USH2A: variants seen among roughly 807,000 people sequenced by gnomAD.
USH2A encodes the protein usherin.
In USH2A, 443 loss-of-function variants were observed where a neutral mutation model predicts 538.9. The ratio of observed to expected loss-of-function variants is 0.82; its 90% confidence interval spans 0.76 to 0.89. The LOEUF (loss-of-function observed/expected upper bound fraction) is 0.89. USH2A is among the 40% of genes least tolerant of loss of function. The pLI is 0.00. For missense variants in USH2A, 6,633 were observed against 6,324.8 expected (o/e 1.05, Z -1.65); for synonymous variants, 2,413 against 2,273.5 (o/e 1.06, Z -1.75).
chr1:215,627,375 C>CCCTT (rs1365031977), intron 71 of USH2A, among the ~76,000 whole-genome samples: 1 of 131,062 alleles, frequency 7.6e-6, no homozygotes, highest in Non-Finnish European at 1.6e-5. Flanking sequence ...CTCCCTCCCT[C>CCCTT]CCTTCCTTCT....
chr1:216,366,276 A>C (rs2038594199), intron 3 of USH2A, among the ~76,000 whole-genome samples: 1 of 152,246 alleles, frequency 6.6e-6, no homozygotes, highest in African/African-American at 2.4e-5. Flanking sequence ...TGATAGCAAA[A>C]CATTCAACAT....
chr1:216,184,934 T>C (rs140804056), intron 20 of USH2A, among the ~76,000 whole-genome samples: 42 of 151,996 alleles, frequency 2.8e-4, no homozygotes, highest in African/African-American at 9.9e-4. Flanking sequence ...AGTATGGAGG[T>C]CAATTTATGA....
At chr1:216,388,682 A>G (rs1399321621) in intron 3 of USH2A, among the ~76,000 whole-genome samples, 1 of 152,230 alleles carries the variant, frequency 6.6e-6, no homozygotes, top group Non-Finnish European at 1.5e-5. Context: ...ATGCAGTGTT[A>G]ACAGAGAAAA....
At chr1:215,763,336 A>G (rs1661033707) in intron 56 of USH2A, among the ~76,000 whole-genome samples, 1 of 152,158 alleles carries the variant, frequency 6.6e-6, no homozygotes, top group African/African-American at 2.4e-5. Context: ...CCTGACACAG[A>G]CTGTGGGGAG....
intron 32 of USH2A, among the ~76,000 whole-genome samples, chr1:216,004,328 G>A (rs1571880931): frequency 6.6e-6 from 1 of 152,250 alleles, no homozygotes; most frequent in South Asian, 2.1e-4. Flanking sequence ...ACCAACATAT[G>A]AGGCCAATGA....
At chr1:215,962,363 AT>A (rs1273421483) in intron 37 of USH2A, among the ~76,000 whole-genome samples, 1 of 152,132 alleles carries the variant, frequency 6.6e-6, no homozygotes, top group Non-Finnish European at 1.5e-5. Flanking sequence ...ATGTTTATTC[AT>A]TGAGGCATTA....
At chr1:216,166,854 T>G (rs917414463) in intron 21 of USH2A, among the ~76,000 whole-genome samples, 6 of 152,074 alleles carry the variant, frequency 3.9e-5, no homozygotes, top group African/African-American at 1.4e-4. Context: ...CCCACACATT[T>G]CCCTTAAGTC....
chr1:215,999,187 C>A, intron 33 of USH2A, 129 bp from the exon 34 acceptor site: 1 of 834,202 alleles, frequency 1.2e-6, no homozygotes, highest in Non-Finnish European at 1.9e-6. Flanking sequence ...AAAATTGATT[C>A]ATTTAAAATA....
chr1:216,377,078 GC>G (rs2038836552), intron 3 of USH2A, among the ~76,000 whole-genome samples: 1 of 152,086 alleles, frequency 6.6e-6, no homozygotes, highest in Non-Finnish European at 1.5e-5. Context: ...ACAGTACTGA[GC>G]AAAATTTATT....
intron 3 of USH2A, among the ~76,000 whole-genome samples, chr1:216,401,387 A>G (rs550652215): frequency 3.3e-5 from 5 of 152,096 alleles, no homozygotes; most frequent in Non-Finnish European, 7.4e-5. Flanking sequence ...GAGACCCACA[A>G]CAGACAAGAA....
chr1:216,225,782 A>G (rs1366095558), intron 14 of USH2A, among the ~76,000 whole-genome samples: 1 of 152,094 alleles, frequency 6.6e-6, no homozygotes, highest in African/African-American at 2.4e-5. Context: ...CATAAGACTT[A>G]TTTTTATTTG....
rs2036955550 is a variant in USH2A, at chr1:216,289,426, G to T, written c.1841-16C>A. ...CAGTTCCTTCCTGCATCAGGGAAAG[G>T]TTATGCATTATGACTTCTAATTCAT... On this transcript the variant is annotated splice_polypyrimidine_tract_variant and intron_variant, in intron 10 of 71. Transcript: ENST00000307340. The T allele has an allele frequency of 1.9e-6, 3 of 1,613,546 alleles. No homozygotes were observed. The highest frequency in any genetic ancestry group is 2.5e-6 in the Non-Finnish European group (3 of 1,179,664).
intron 67 of USH2A, among the ~76,000 whole-genome samples, chr1:215,643,461 T>C (rs1656751729): frequency 6.6e-6 from 1 of 152,074 alleles, no homozygotes; most frequent in Non-Finnish European, 1.5e-5. Context: ...GAACCTCTTC[T>C]CCTATGGTGC....
At chr1:215,908,201 T>C (rs1397273198) in intron 38 of USH2A, among the ~76,000 whole-genome samples, 1 of 151,988 alleles carries the variant, frequency 6.6e-6, no homozygotes, top group Non-Finnish European at 1.5e-5. Flanking sequence ...GTCCCTTTTG[T>C]TTTCAAGACC....
intron 47 of USH2A, among the ~76,000 whole-genome samples, chr1:215,818,351 C>G (rs1035113482): frequency 4.6e-5 from 7 of 151,654 alleles, no homozygotes; most frequent in African/African-American, 1.5e-4. Context: ...TTTATAGTCA[C>G]TAACTTATTT....
intron 52 of USH2A, among the ~76,000 whole-genome samples, chr1:215,784,875 A>T (rs1354194954): frequency 6.6e-6 from 1 of 152,184 alleles, no homozygotes; most frequent in Non-Finnish European, 1.5e-5. Context: ...GGCTATTACA[A>T]GTATTTATTA....
At chr1:216,028,996 T>C (rs1185142067) in intron 32 of USH2A, among the ~76,000 whole-genome samples, 1 of 152,098 alleles carries the variant, frequency 6.6e-6, no homozygotes, top group Non-Finnish European at 1.5e-5. Flanking sequence ...GTAGATAAAA[T>C]TGTGGACAAT....
At chr1:215,965,530 C>T in intron 36 of USH2A, 51 bp from the exon 37 acceptor site, 1 of 1,599,784 alleles carries the variant, frequency 6.3e-7, no homozygotes, top group South Asian at 1.1e-5. Context: ...TAAGTACATG[C>T]TTCGCTTTGA....
intron 9 of USH2A, among the ~76,000 whole-genome samples, chr1:216,306,874 G>A (rs2037327042): frequency 6.6e-6 from 1 of 152,196 alleles, no homozygotes; most frequent in South Asian, 2.1e-4. Flanking sequence ...ACAGCCCTGT[G>A]ATATGATCAG....
Sources: gnomAD v4.1 joint callset for allele counts (sites outside exome capture counted in the v4.1 genomes callset) on GRCh38, gnomAD v4.1.1 for gene constraint, MANE v1.5 for transcripts, NCBI Gene and HGNC (gene_info 2026-07-23, HGNC 2026-07-21) for gene names.